Variants in NARS2 observed in about 807,000 individuals in gnomAD.
NARS2 encodes asparaginyl-tRNA synthetase.
NARS2 carries 60 observed loss-of-function variants against 62.9 expected under a neutral mutation model. The ratio of observed to expected loss-of-function variants is 0.95; its 90% CI spans 0.77 to 1.18. NARS2 has a LOEUF of 1.18. Among genes scored for constraint, NARS2 ranks in the 50% most tolerant of loss-of-function variants. The probability of loss-of-function intolerance (pLI) is 0.00; values close to 1 mark genes in which losing one functional copy is unlikely to be tolerated. For synonymous variants in NARS2, 196 were observed against 200.0 expected (o/e 0.98, Z 0.17); for missense variants, 619 against 576.4 (o/e 1.07, Z -0.76).
At chr11:78,554,098 T>C (rs547585616) in intron 5 of NARS2, among the ~76,000 whole-genome samples, 8 of 152,340 alleles carry the variant, frequency 5.3e-5, no homozygotes, top group African/African-American at 1.9e-4. Context: ...CATTGGTCTA[T>C]GTGCCTGTTT....
At chr11:78,545,969 A>G (rs1855859435) in intron 5 of NARS2, among the ~76,000 whole-genome samples, 1 of 152,204 alleles carries the variant, frequency 6.6e-6, no homozygotes, top group Admixed American at 6.5e-5. Context: ...TGTTCTGATT[A>G]CCTATTGGTG....
At chr11:78,494,867 TGTTAATCTCA>T (rs1310900559) in intron 6 of NARS2, among the ~76,000 whole-genome samples, 2 of 152,186 alleles carry the variant, frequency 1.3e-5, no homozygotes, top group African/African-American at 2.4e-5. Flanking sequence ...CCTCCAGCTC[TGTTAATCTCA>T]GTTAATCCAC....
intron 5 of NARS2, among the ~76,000 whole-genome samples, chr11:78,539,631 G>C (rs1167553235): frequency 6.6e-6 from 1 of 152,194 alleles, no homozygotes; most frequent in African/African-American, 2.4e-5. Flanking sequence ...TCAGTATGTA[G>C]ATGGTATGGT....
At chr11:78,518,610 T>C (rs1197267554) in intron 6 of NARS2, among the ~76,000 whole-genome samples, 1 of 152,008 alleles carries the variant, frequency 6.6e-6, no homozygotes, top group Non-Finnish European at 1.5e-5. Context: ...CTCCGCCTCC[T>C]GGGTTCACGC....
intron 5 of NARS2, among the ~76,000 whole-genome samples, chr11:78,535,239 T>C (rs1049884020): frequency 1.3e-5 from 2 of 152,228 alleles, no homozygotes; most frequent in African/African-American, 2.4e-5. Flanking sequence ...ATAGTAATGC[T>C]GTGGTAATTT....
chr11:78,532,680 T>C (rs1861522510), intron 5 of NARS2, among the ~76,000 whole-genome samples: 1 of 152,248 alleles, frequency 6.6e-6, no homozygotes, highest in Non-Finnish European at 1.5e-5. Context: ...AAAGATTAAA[T>C]GGTGCCCCTT....
intron 5 of NARS2, among the ~76,000 whole-genome samples, chr11:78,532,497 A>C (rs1420271643): frequency 1.3e-5 from 2 of 152,224 alleles, no homozygotes; most frequent in African/African-American, 4.8e-5. Context: ...TCAAATGGCT[A>C]ATGTGAAAAT....
chr11:78,512,184 T>C (rs1166367954), intron 6 of NARS2, among the ~76,000 whole-genome samples: 1 of 152,240 alleles, frequency 6.6e-6, no homozygotes, highest in East Asian at 1.9e-4. Flanking sequence ...GATTTCTCTG[T>C]CTTAATTCTT....
At chr11:78,517,798 C>T (rs1371435149) in intron 6 of NARS2, among the ~76,000 whole-genome samples, 2 of 152,188 alleles carry the variant, frequency 1.3e-5, no homozygotes, top group Non-Finnish European at 2.9e-5. Flanking sequence ...ACAGAAAATG[C>T]AATTGGCAAG....
chr11:78,455,087 T>C (rs1453910394), intron 11 of NARS2, among the ~76,000 whole-genome samples: 2 of 152,168 alleles, frequency 1.3e-5, no homozygotes, highest in Non-Finnish European at 2.9e-5. Context: ...GTGTCTTTAA[T>C]TCCCCCCTTC....
chr11:78,440,335 A>G (rs535732383), intron 13 of NARS2, among the ~76,000 whole-genome samples: 128 of 152,122 alleles, frequency 8.4e-4, no homozygotes, highest in Non-Finnish European at 1.7e-3. Flanking sequence ...AAGTGCTGGG[A>G]TTACAGGCGT....
intron 2 of NARS2, among the ~76,000 whole-genome samples, chr11:78,570,949 T>C (rs1856900873): frequency 6.6e-6 from 1 of 152,138 alleles, no homozygotes; most frequent in Admixed American, 6.5e-5. Flanking sequence ...GACATAATCA[T>C]GGGATGGGAA....
intron 1 of NARS2, among the ~76,000 whole-genome samples, chr11:78,571,972 G>A (rs376259548): frequency 1.5e-4 from 22 of 151,428 alleles, no homozygotes; most frequent in African/African-American, 4.6e-4. Flanking sequence ...ACTTGAGGTC[G>A]GGAGTTTGAG....
chr11:78,476,709 A>G (rs1034352981), intron 9 of NARS2, among the ~76,000 whole-genome samples: 3 of 152,248 alleles, frequency 2.0e-5, no homozygotes, highest in Non-Finnish European at 2.9e-5. Context: ...AGAATGGATT[A>G]TGACAATGAC....
intron 6 of NARS2, among the ~76,000 whole-genome samples, chr11:78,494,974 G>A (rs1255070694): frequency 6.6e-6 from 1 of 152,054 alleles, no homozygotes; most frequent in East Asian, 1.9e-4. Context: ...TTTACACCTT[G>A]GAAAACTCTG....
chr11:78,520,327 T>G (rs542854410), intron 6 of NARS2, among the ~76,000 whole-genome samples: 41 of 152,278 alleles, frequency 2.7e-4, no homozygotes, highest in Admixed American at 2.7e-3. Flanking sequence ...TGCTTTTGGC[T>G]TCACAGAATG....
At chr11:78,499,868 A>G (rs1860217907) in intron 6 of NARS2, among the ~76,000 whole-genome samples, 1 of 152,190 alleles carries the variant, frequency 6.6e-6, no homozygotes, top group South Asian at 2.1e-4. Context: ...TTCTAACTGA[A>G]TATTTATCCT....
chr11:78,452,790 G>C (rs887562192), intron 11 of NARS2, among the ~76,000 whole-genome samples: 13 of 152,072 alleles, frequency 8.5e-5, no homozygotes, highest in African/African-American at 3.1e-4. Context: ...CTTTTTCTTG[G>C]AACTTCAATT....
intron 11 of NARS2, among the ~76,000 whole-genome samples, chr11:78,452,487 C>T (rs966137543): frequency 7.2e-5 from 11 of 151,956 alleles, no homozygotes; most frequent in South Asian, 2.1e-4. Context: ...GGCTCAATGC[C>T]GCCTTGACCT....
Sources: gnomAD v4.1 joint callset for allele counts (sites outside exome capture counted in the v4.1 genomes callset) on GRCh38, gnomAD v4.1.1 for gene constraint, MANE v1.5 for transcripts, NCBI Gene and HGNC (gene_info 2026-07-23, HGNC 2026-07-21) for gene names.